The following DCTN6 variants were observed in gnomAD, a reference collection of about 807,000 sequenced individuals.
DCTN6 encodes the protein dynactin 6.
A neutral mutation model predicts 25.8 loss-of-function variants in DCTN6; 15 were observed. The ratio of observed to expected loss-of-function variants is 0.58; its 90% CI spans 0.39 to 0.89. The LOEUF is 0.89. Ranked by LOEUF, DCTN6 falls within the 40% of genes least tolerant of loss-of-function variation. The probability of loss-of-function intolerance (pLI) is 0.00; values close to 1 mark genes in which losing one functional copy is unlikely to be tolerated. For missense variants in DCTN6, 198 were observed against 237.6 expected (o/e 0.83, Z 1.09); for synonymous variants, 64 against 78.3 (o/e 0.82, Z 0.96).
chr8:30,163,855 A>G (rs1286397848), intron 1 of DCTN6, among the ~76,000 whole-genome samples: 4 of 152,104 alleles, frequency 2.6e-5, no homozygotes, highest in African/African-American at 9.7e-5. Context: ...GGTGCTCGCC[A>G]CCACGCCTGG....
At chr8:30,181,505 G>A (rs923688008) in intron 6 of DCTN6, among the ~76,000 whole-genome samples, 1 of 152,162 alleles carries the variant, frequency 6.6e-6, no homozygotes, top group Non-Finnish European at 1.5e-5. Flanking sequence ...GAAAAAGATA[G>A]GACATTTGGG....
At chr8:30,178,130 A>AT (rs1585505688) in intron 4 of DCTN6, among the ~76,000 whole-genome samples, 1 of 152,118 alleles carries the variant, frequency 6.6e-6, no homozygotes, top group East Asian at 1.9e-4. Flanking sequence ...CCTCCCTAGA[A>AT]TGTCTCCAGT....
intron 3 of DCTN6, 194 bp from the exon 4 acceptor site, chr8:30,176,932 G>A (rs1803843546): frequency 2.2e-6 from 1 of 446,324 alleles, no homozygotes; most frequent in South Asian, 2.6e-5. Context: ...CCAAGATGGT[G>A]CCACTGTACC....
chr8:30,165,023 T>C (rs977653834), intron 2 of DCTN6, among the ~76,000 whole-genome samples: 1 of 152,192 alleles, frequency 6.6e-6, no homozygotes, highest in Non-Finnish European at 1.5e-5. Context: ...GAGATCAGGG[T>C]TCTATTACAA....
At chr8:30,160,152 G>T (rs767519179) in intron 1 of DCTN6, among the ~76,000 whole-genome samples, 2 of 152,054 alleles carry the variant, frequency 1.3e-5, no homozygotes, top group Non-Finnish European at 2.9e-5. Flanking sequence ...TAGTTGATAT[G>T]GTTTGGCTGT....
chr8:30,162,298 G>C (rs1349838228), intron 1 of DCTN6, among the ~76,000 whole-genome samples: 2 of 151,394 alleles, frequency 1.3e-5, no homozygotes, highest in East Asian at 2.0e-4. Context: ...TGTTGGCCAG[G>C]CTGGTTGGTC....
chr8:30,175,785 T>C (rs1450547251), intron 3 of DCTN6, among the ~76,000 whole-genome samples: 3 of 152,184 alleles, frequency 2.0e-5, no homozygotes, highest in African/African-American at 7.2e-5. Context: ...TCTTTCTAGA[T>C]AAAATTTTGG....
intron 1 of DCTN6, among the ~76,000 whole-genome samples, chr8:30,163,020 G>C (rs570992709): frequency 2.0e-5 from 3 of 151,688 alleles, no homozygotes; most frequent in Non-Finnish European, 4.4e-5. Flanking sequence ...TGAGGTCGCC[G>C]GGCACGGTGG....
chr8:30,182,504 A>C (rs1233710748), intron 6 of DCTN6, among the ~76,000 whole-genome samples: 4 of 152,054 alleles, frequency 2.6e-5, no homozygotes, highest in Non-Finnish European at 1.5e-5. Context: ...AAATCTACAA[A>C]AGCGAGTTTT....
At chr8:30,177,861 A>G (rs1803862852) in intron 4 of DCTN6, among the ~76,000 whole-genome samples, 1 of 152,244 alleles carries the variant, frequency 6.6e-6, no homozygotes, top group African/African-American at 2.4e-5. Flanking sequence ...TTTTTAGACA[A>G]ACGCAGACAC....
At chr8:30,177,670 T>C (rs1585505528) in intron 4 of DCTN6, among the ~76,000 whole-genome samples, 1 of 152,132 alleles carries the variant, frequency 6.6e-6, no homozygotes, top group South Asian at 2.1e-4. Flanking sequence ...TGAGCCAAGA[T>C]TGTGCCACTG....
At chr8:30,172,553 C>A (rs1034410958) in intron 2 of DCTN6, among the ~76,000 whole-genome samples, 1 of 151,866 alleles carries the variant, frequency 6.6e-6, no homozygotes, top group Non-Finnish European at 1.5e-5. Flanking sequence ...CAGGTTCAAG[C>A]GATCCTCCCA....
chr8:30,177,077 G>C (rs552093672), intron 3 of DCTN6, 49 bp from the exon 4 acceptor site: 4 of 1,474,186 alleles, frequency 2.7e-6, no homozygotes, highest in Non-Finnish European at 3.8e-6. Flanking sequence ...GAAGAAAATT[G>C]CTTATTGTGT....
chr8:30,174,646 A>G (rs1803807515), intron 2 of DCTN6, among the ~76,000 whole-genome samples: 1 of 152,206 alleles, frequency 6.6e-6, no homozygotes, highest in East Asian at 1.9e-4. Flanking sequence ...GTACACTCGC[A>G]TAAGAAAGCA....
At chr8:30,166,618 G>A (rs1376034633) in intron 2 of DCTN6, among the ~76,000 whole-genome samples, 2 of 152,056 alleles carry the variant, frequency 1.3e-5, no homozygotes, top group African/African-American at 2.4e-5. Flanking sequence ...GGCTGTAAAG[G>A]CATTATCCTG....
At chr8:30,181,671 C>G (rs938055928) in intron 6 of DCTN6, among the ~76,000 whole-genome samples, 5 of 151,928 alleles carry the variant, frequency 3.3e-5, no homozygotes, top group Admixed American at 1.3e-4. Flanking sequence ...ATCACTTGAG[C>G]CCAGGAAGGA....
chr8:30,182,995 T>C (rs961829214), intron 6 of DCTN6, 80 bp from the exon 7 acceptor site: 2 of 1,190,232 alleles, frequency 1.7e-6, no homozygotes, highest in Non-Finnish European at 2.5e-6. Flanking sequence ...ATTACAGGCA[T>C]GACCCACCAC....
chr8:30,156,488 C>A, intron 1 of DCTN6, 82 bp downstream of exon 1: 1 of 1,477,292 alleles, frequency 6.8e-7, no homozygotes, highest in Non-Finnish European at 9.3e-7. Context: ...GGTGGCGACT[C>A]AGAAGGTGTC....
intron 4 of DCTN6, 67 bp downstream of exon 4, chr8:30,177,281 T>C (rs1803848705): frequency 7.7e-7 from 1 of 1,302,300 alleles, no homozygotes; most frequent in African/African-American, 1.5e-5. Context: ...TCTTCTCCTG[T>C]AGAAATTGTA....
Sources: gnomAD v4.1 joint callset for allele counts (sites outside exome capture counted in the v4.1 genomes callset) on GRCh38, gnomAD v4.1.1 for gene constraint, MANE v1.5 for transcripts, NCBI Gene and HGNC (gene_info 2026-07-23, HGNC 2026-07-21) for gene names.